LINS1: variants seen among roughly 807,000 people sequenced by gnomAD.
LINS1 encodes the protein protein Lines homolog 1.
In LINS1, 27 loss-of-function variants were observed where a neutral mutation model predicts 41.6. The ratio of observed to expected loss-of-function variants is 0.65; its 90% CI spans 0.48 to 0.89. The LOEUF (loss-of-function observed/expected upper bound fraction) is 0.89. Among genes scored for constraint, LINS1 ranks in the 40% least tolerant of loss-of-function variants. LINS1 has a pLI of 0.00. For missense variants in LINS1, 955 were observed against 884.1 expected (o/e 1.08, Z -1.02); for synonymous variants, 336 against 312.9 (o/e 1.07, Z -0.78).
intron 3 of LINS1, among the ~76,000 whole-genome samples, chr15:100,578,498 T>C (rs2038326333): frequency 6.6e-6 from 1 of 151,622 alleles, no homozygotes; most frequent in Non-Finnish European, 1.5e-5. Flanking sequence ...CCAGTTAGAA[T>C]GGCGATCATT....
chr15:100,569,618 A>C lies in LINS1; in HGVS notation c.1894T>G (p.Ser632Ala). 3 of 1,613,330 alleles carry C rather than the reference A, an allele frequency of 1.9e-6. No homozygotes were observed. The highest frequency in any genetic ancestry group is 1.7e-6 in the Non-Finnish European group (2 of 1,179,360). The change falls in exon 7 of 7, where the codon TCT (serine) becomes GCT (alanine). Residue 632 changes from serine (S) to alanine (A), a missense_variant. Coordinates refer to ENST00000314742, the MANE Select transcript of LINS1 (RefSeq NM_001040616.3). ...GTGGATTCCACGTCAGAATCGTCAG[A>C]GCTGTCGTAATCTACCAGACTTTGA... ...ASQSLVDYDS[S>A]DDSDVESTEQ...
chr15:100,574,789 T>C (rs2038062669), intron 4 of LINS1, among the ~76,000 whole-genome samples, 198 bp downstream of exon 4: 1 of 152,226 alleles, frequency 6.6e-6, no homozygotes, highest in Admixed American at 6.5e-5. Flanking sequence ...TTTGTGCTCA[T>C]GAAAAGCTTT....
chr15:100,588,610 G>A (rs2038909307), intron 1 of LINS1, among the ~76,000 whole-genome samples: 1 of 152,160 alleles, frequency 6.6e-6, no homozygotes, highest in South Asian at 2.1e-4. Context: ...ATGCTTTAAG[G>A]TCACAAACTG....
intron 1 of LINS1, among the ~76,000 whole-genome samples, chr15:100,584,688 C>CAAGCA (rs1555433574): frequency 6.6e-6 from 1 of 152,132 alleles, no homozygotes; most frequent in Non-Finnish European, 1.5e-5. Context: ...AGCCAGCAAG[C>CAAGCA]AAGCAAAGCA....
Position 100,568,148 on chromosome 15 carries a change from TAAA to T in LINS1, c.*1087_*1089del, listed in dbSNP as rs2037620692. ...AATTTTAAATAGGAAAATTAGTGATTAAATTTTTTTTTAGAAAGAATCATGTTC... is the reference window on the plus strand; with the variant it reads ...AATTTTAAATAGGAAAATTAGTGATTTTTTTTTTTAGAAAGAATCATGTTC... On this transcript the variant is annotated 3_prime_UTR_variant, in exon 7 of 7. Transcript: ENST00000314742. The T allele has an allele frequency of 8.6e-6, 1 of 116,182 alleles. No homozygotes were observed. Among genetic ancestry groups the T allele is most frequent in the Non-Finnish European group, 2.1e-5 (1 of 46,532 alleles). The allele number at this position is 116,182 out of a possible 1,614,324, so 7.2% of individuals were successfully genotyped here. A position where few individuals can be genotyped will look rare whatever the true frequency, so the allele number is the denominator to read the frequency against.
chr15:100,572,647 C>G, intron 5 of LINS1: 7 of 987,940 alleles, frequency 7.1e-6, no homozygotes, highest in Non-Finnish European at 8.4e-6. Flanking sequence ...TTATTAAAAG[C>G]TAAATTATAT....
At position 100,574,066 on chromosome 15, in the gene LINS1, A is replaced by G. The variant is rs747513969; in HGVS notation, c.807T>C (p.His269=). The G allele has an allele frequency of 5.4e-5, 87 of 1,614,086 alleles. No homozygotes were observed. Among genetic ancestry groups the G allele is most frequent in the Non-Finnish European group, 7.4e-5 (87 of 1,180,006 alleles). Residue 269 remains histidine, a synonymous_variant, in exon 5 of 7, where the codon CAT becomes CAC. Transcript: ENST00000314742. ...LIASRIHLKL[H]FTCQRILFLK... ...AAAATAAAATCCTCTGGCAAGTGAA[A>G]TGTAACTTCAGGTGGATTCTGGAGG... is the stretch of plus-strand genomic sequence containing the variant.
intron 1 of LINS1, among the ~76,000 whole-genome samples, chr15:100,591,445 C>T (rs1270239119): frequency 6.6e-6 from 1 of 151,814 alleles, no homozygotes; most frequent in Non-Finnish European, 1.5e-5. Flanking sequence ...GAGAACGTGA[C>T]CAAAAAGGGA....
intron 1 of LINS1, among the ~76,000 whole-genome samples, chr15:100,589,274 G>C (rs536354543): frequency 2.0e-5 from 3 of 152,210 alleles, no homozygotes; most frequent in Admixed American, 1.3e-4. Flanking sequence ...TTAAACCACA[G>C]AAATAACCAA....
intron 1 of LINS1, among the ~76,000 whole-genome samples, chr15:100,596,704 G>A (rs2039261919): frequency 6.6e-6 from 1 of 152,186 alleles, no homozygotes; most frequent in Non-Finnish European, 1.5e-5. Flanking sequence ...ACAAGTAAAA[G>A]CTTGCATAGG....
intron 5 of LINS1, chr15:100,572,570 G>A (rs1044229517): frequency 2.0e-6 from 2 of 997,194 alleles, no homozygotes; most frequent in Non-Finnish European, 2.4e-6. Context: ...ATTTAAAACT[G>A]AATTATATAA....
intron 3 of LINS1, among the ~76,000 whole-genome samples, chr15:100,576,184 C>G (rs1043474635): frequency 6.6e-6 from 1 of 152,084 alleles, no homozygotes; most frequent in African/African-American, 2.4e-5. Context: ...CAGAGCAGAA[C>G]TGAAGGAGAT....
chr15:100,572,065 A>C lies in LINS1; in HGVS notation c.1223T>G (p.Val408Gly), dbSNP rs764103303. Residue 408 changes from valine to glycine, a missense_variant and splice_region_variant, in exon 6 of 7, where the codon GTT becomes GGT. By Grantham distance (109) the Val-to-Gly change is moderately radical (BLOSUM62 -3). Transcript: ENST00000314742. ...QNYSSASEVK[V>G]DLQRFMSELL... is the part of the protein sequence containing the mutation. Reference sequence around the variant, plus strand: ...CTCAGACATGAACCTCTGTAAGTCAACTTCAAAAAATGAAAATTTCAAAGT... The same window carrying C: ...CTCAGACATGAACCTCTGTAAGTCACCTTCAAAAAATGAAAATTTCAAAGT... 6.2e-7 allele frequency: 1 copy of C among 1,614,202 alleles called. No individual in the cohort carries two copies. The highest frequency in any genetic ancestry group is 1.1e-5 in the South Asian group (1 of 91,090).
intron 6 of LINS1, among the ~76,000 whole-genome samples, chr15:100,570,915 A>G (rs1475547016): frequency 1.3e-5 from 2 of 152,248 alleles, no homozygotes; most frequent in Non-Finnish European, 2.9e-5. Context: ...CTGGATTCAG[A>G]AAGTGAGAAA....
At chr15:100,595,190 T>A (rs2039192947) in intron 1 of LINS1, among the ~76,000 whole-genome samples, 1 of 151,992 alleles carries the variant, frequency 6.6e-6, no homozygotes, top group Admixed American at 6.6e-5. Flanking sequence ...ATGTAAAAAC[T>A]GATAAACCGG....
rs2037612798 is a variant in LINS1, at chr15:100,567,898, T to A, written c.*1340A>T. 1 of 152,218 alleles carries A rather than the reference T, an allele frequency of 6.6e-6. No homozygotes were observed. The highest frequency in any genetic ancestry group is 2.1e-4 in the South Asian group (1 of 4,828). 9.4% of individuals were successfully genotyped at this position (152,218 alleles called of 1,614,324 possible). On this transcript the variant is annotated 3_prime_UTR_variant, in exon 7 of 7. Transcript: ENST00000314742. ...CTACCTGAATTAAGTACTAAACTGT[T>A]TCGAATACCATAGCCTTAATATATA...
chr15:100,589,312 A>T (rs1596952498), intron 1 of LINS1, among the ~76,000 whole-genome samples: 1 of 152,250 alleles, frequency 6.6e-6, no homozygotes. Context: ...TGCTAACCCA[A>T]GTAGAACAAG....
rs745356158 is a variant in LINS1, at chr15:100,574,178, A to C, written c.695T>G (p.Phe232Cys). The C allele has an allele frequency of 3.1e-6, 5 of 1,613,720 alleles. No homozygotes were observed. The highest frequency in any genetic ancestry group is 4.2e-6 in the Non-Finnish European group (5 of 1,179,752). The change falls in exon 5 of 7, where the codon TTC becomes TGC. Residue 232 changes from phenylalanine (F) to cysteine (C), a missense_variant. Phe to Cys is a radical substitution (Grantham distance 205). Transcript: ENST00000314742. ...CCGGCAGTTTTCAAAATGCTGAGAG[A>C]ATAAGGAATTGTAAAACACTTCAAA... ...TIFEVFYNSL[F>C]SQHFENCRDT...
chr15:100,586,189 A>T (rs994706747), intron 1 of LINS1: 1 of 152,306 alleles, frequency 6.6e-6, no homozygotes, highest in Non-Finnish European at 1.5e-5. Flanking sequence ...CTAATCAGAA[A>T]CTCAAGAGAA....
Sources: gnomAD v4.1 joint callset for allele counts (sites outside exome capture counted in the v4.1 genomes callset) on GRCh38, gnomAD v4.1.1 for gene constraint, MANE v1.5 for transcripts, NCBI Gene and HGNC (gene_info 2026-07-23, HGNC 2026-07-21) for gene names.